The following ADRA2A variants were observed in gnomAD, a reference collection of about 807,000 sequenced individuals.
ADRA2A encodes the protein alpha-2A adrenergic receptor.
In ADRA2A, 6 loss-of-function variants were observed where a neutral mutation model predicts 5.9. The ratio of observed to expected loss-of-function variants is 1.01; its 90% confidence interval spans 0.55 to 2.00. The LOEUF is 2.00. Ranked by LOEUF, ADRA2A falls within the 30% of genes most tolerant of loss-of-function variation. The pLI, the probability that ADRA2A is intolerant of heterozygous loss-of-function variation, is 0.00. For synonymous variants in ADRA2A, 345 were observed against 325.9 expected (o/e 1.06, Z -0.63); for missense variants, 647 against 690.0 (o/e 0.94, Z 0.70).
Position 111,077,331 on chromosome 10 carries a change from T to C in ADRA2A, c.-666T>C, listed in dbSNP as rs2479049. 152,189 of 152,620 alleles carry C rather than the reference T, an allele frequency of 1. 75,879 individuals carry two copies. The highest frequency in any genetic ancestry group is 1 in the Middle Eastern group (292 of 292). 9.5% of individuals were successfully genotyped at this position (152,620 alleles called of 1,614,324 possible). Reference sequence around the variant, plus strand: ...CGCCGTCCCGGAGCTCCGCACAGTGTGCCCCAGCCCCAGCAGGGCGCACAA... The same window carrying C: ...CGCCGTCCCGGAGCTCCGCACAGTGCGCCCCAGCCCCAGCAGGGCGCACAA... On this transcript the variant is annotated 5_prime_UTR_variant, in exon 1 of 1. Transcript: ENST00000280155.
In ADRA2A at chr10:111,077,537, T is replaced by TG; in HGVS notation, c.-455dup. 1 of 152,310 alleles carries TG rather than the reference T, an allele frequency of 6.6e-6. No individual in the cohort carries two copies. The highest frequency in any genetic ancestry group is 1.5e-5 in the Non-Finnish European group (1 of 68,180). The allele number at this position is 152,310 out of a possible 1,614,324, so 9.4% of individuals were successfully genotyped here. On this transcript the variant is annotated 5_prime_UTR_variant, in exon 1 of 1. Coordinates refer to ENST00000280155, the MANE Select transcript of ADRA2A (RefSeq NM_000681.4). Reference sequence around the variant, plus strand: ...AGCACCCTTCGGCTGCCTCCCGGGGTGGGGGCGGGCCCCGCACACGGTAAG... The same window carrying TG: ...AGCACCCTTCGGCTGCCTCCCGGGGTGGGGGGCGGGCCCCGCACACGGTAAG...
Position 111,077,878 on chromosome 10 carries a change from G to C in ADRA2A, c.-119G>C. The stretch of plus-strand genomic sequence containing the variant: ...CCAGTTCGGGCCCGGCCTCCCTGCG[G>C]CCCCCTCCCTATGTGAGCCGCAGCC... On this transcript the variant is annotated 5_prime_UTR_variant, in exon 1 of 1. Transcript: ENST00000280155. 1 of 1,290,140 alleles carries C rather than the reference G, an allele frequency of 7.8e-7. No individual in the cohort carries two copies. Among genetic ancestry groups the C allele is most frequent in the South Asian group, 2.8e-5 (1 of 36,030 alleles). 79.9% of individuals were successfully genotyped at this position (1,290,140 alleles called of 1,614,324 possible). A position where few individuals can be genotyped will look rare whatever the true frequency, so the allele number is the denominator to read the frequency against.
chr10:111,077,968 C>T lies in ADRA2A; in HGVS notation c.-29C>T. 7.4e-7 allele frequency: 1 copy of T among 1,353,866 alleles called. No homozygotes were observed. 83.9% of individuals were successfully genotyped at this position (1,353,866 alleles called of 1,614,324 possible). A position where few individuals can be genotyped will look rare whatever the true frequency, so the allele number is the denominator to read the frequency against. On this transcript the variant is annotated 5_prime_UTR_variant, in exon 1 of 1. Transcript: ENST00000280155. ...CGCCGGGCCGGAAGGCAGCTGGCAG[C>T]AGGCCCAGGCCAGCGGGCGCCCGCG...
At position 111,079,439 on chromosome 10, in the gene ADRA2A, C is replaced by T; in HGVS notation, c.*45C>T. ...GTAGACTCACGCTGACTGCAGGCAG[C>T]GGGGGGCATCGAGGGGTGCTTAGCC... On this transcript the variant is annotated 3_prime_UTR_variant, in exon 1 of 1. Transcript: ENST00000280155. 6.3e-7 allele frequency: 1 copy of T among 1,594,460 alleles called. No individual in the cohort carries two copies. The highest frequency in any genetic ancestry group is 8.6e-7 in the Non-Finnish European group (1 of 1,165,708).
rs1843569174 is a variant in ADRA2A at position 111,079,086 on chromosome 10, C to T, written c.1090C>T (p.Pro364Ser). 2.7e-6 allele frequency: 4 copies of T among 1,493,786 alleles called. No individual in the cohort carries two copies. Among genetic ancestry groups the T allele is most frequent in the Non-Finnish European group, 3.6e-6 (4 of 1,125,602 alleles). The allele number at this position is 1,493,786 out of a possible 1,614,324, so 92.5% of individuals were successfully genotyped here. The change falls in exon 1 of 1, where the codon CCG becomes TCG. Residue 364 changes from proline (P) to serine (S), a missense_variant. Pro to Ser is a moderately conservative substitution (Grantham distance 74). This residue lies in a region of ADRA2A where 577 missense variants were observed against 605.4 expected (regional missense o/e 0.95). Transcript: ENST00000280155. ...GGGGATCGGGACGCCGGCTGCAGGGCCGGGGGAGGAGCGCGTCGGGGCTGC... is the reference window on the plus strand; with the variant it reads ...GGGGATCGGGACGCCGGCTGCAGGGTCGGGGGAGGAGCGCGTCGGGGCTGC... ...ATGIGTPAAG[P>S]GEERVGAAKA...
In ADRA2A at chr10:111,078,796, G is replaced by A. The variant is rs773228256; in HGVS notation, c.800G>A (p.Gly267Asp). 5 of 1,307,308 alleles carry A rather than the reference G, an allele frequency of 3.8e-6. No homozygotes were observed. Among genetic ancestry groups the A allele is most frequent in the African/African-American group, 1.6e-5 (1 of 64,004 alleles). The allele number at this position is 1,307,308 out of a possible 1,614,324, so 81.0% of individuals were successfully genotyped here. A position where few individuals can be genotyped will look rare whatever the true frequency, so the allele number is the denominator to read the frequency against. The change falls in exon 1 of 1, where the codon GGT becomes GAT. Residue 267 changes from glycine (G) to aspartate (D), a missense_variant. Gly to Asp is a moderately conservative substitution (Grantham distance 94). Coordinates refer to ENST00000280155, the MANE Select transcript of ADRA2A (RefSeq NM_000681.4). The stretch of plus-strand genomic sequence containing the variant: ...GGGGGCACCGAGCGCAGGCCCAACG[G>A]TCTGGGCCCCGAGCGCAGCGCGGGC... The part of the protein sequence containing the change: ...PPGGTERRPN[G>D]LGPERSAGPG...
chr10:111,079,271 C>T lies in ADRA2A; in HGVS notation c.1275C>T (p.Phe425=). ...CCGTGCCACGCACGCTCTTCAAATT[C>T]TTCTTCTGGTTCGGCTACTGCAACA... is the stretch of plus-strand genomic sequence containing the variant. ...GCSVPRTLFK[F]FFWFGYCNSS... Residue 425 remains phenylalanine (F), a synonymous_variant, in exon 1 of 1, where the codon TTC becomes TTT. Transcript: ENST00000280155. 2 of 1,614,188 alleles carry T rather than the reference C, an allele frequency of 1.2e-6. No individual in the cohort carries two copies. The highest frequency in any genetic ancestry group is 1.7e-6 in the Non-Finnish European group (2 of 1,180,036).
chr10:111,078,071 C>A lies in ADRA2A; in HGVS notation c.75C>A (p.Asn25Lys). Residue 25 changes from asparagine (N) to lysine (K), a missense_variant, in exon 1 of 1, where the codon AAC becomes AAA. Physicochemically the swap from Asn to Lys is moderately conservative, Grantham distance 94. Around this residue, in one of 3 missense-constraint regions of ADRA2A, gnomAD observed 577 missense variants for 605.4 expected, o/e 0.95. Transcript: ENST00000280155. ...PMGSLQPDAG[N>K]ASWNGTEAPG... Reference sequence around the variant, plus strand: ...GCTCCCTGCAGCCGGACGCGGGCAACGCGAGCTGGAACGGGACCGAGGCGC... The same window carrying A: ...GCTCCCTGCAGCCGGACGCGGGCAAAGCGAGCTGGAACGGGACCGAGGCGC... 1 of 1,546,528 alleles carries A rather than the reference C, an allele frequency of 6.5e-7. No homozygotes were observed. Among genetic ancestry groups the A allele is most frequent in the Non-Finnish European group, 8.7e-7 (1 of 1,153,192 alleles).
At position 111,078,947 on chromosome 10, in the gene ADRA2A, C is replaced by A. The variant is rs1564745732; in HGVS notation, c.951C>A (p.Ala317=). Reference sequence around the variant, plus strand: ...AGGAGAGCTCGTCTTCCGACCACGCCGAGCGGCCTCCAGGGCCCCGCAGAC... The same window carrying A: ...AGGAGAGCTCGTCTTCCGACCACGCAGAGCGGCCTCCAGGGCCCCGCAGAC... ...DLEESSSSDH[A]ERPPGPRRPE... Residue 317 remains alanine, a synonymous_variant, in exon 1 of 1, where the codon GCC becomes GCA. Transcript: ENST00000280155. 1 of 1,237,254 alleles carries A rather than the reference C, an allele frequency of 8.1e-7. No homozygotes were observed. The highest frequency in any genetic ancestry group is 3.5e-5 in the East Asian group (1 of 28,464). The allele number at this position is 1,237,254 out of a possible 1,614,324, so 76.6% of individuals were successfully genotyped here.
rs747042142 is a variant in ADRA2A, at chr10:111,079,280, G to T, written c.1284G>T (p.Trp428Cys). The T allele has an allele frequency of 6.2e-7, 1 of 1,614,118 alleles. No individual in the cohort carries two copies. The highest frequency in any genetic ancestry group is 8.5e-7 in the Non-Finnish European group (1 of 1,180,036). Reference protein sequence around the residue: ...VPRTLFKFFFWFGYCNSSLNP... With the variant: ...VPRTLFKFFFCFGYCNSSLNP... ...GCACGCTCTTCAAATTCTTCTTCTGGTTCGGCTACTGCAACAGCTCGTTGA... is the reference window on the plus strand; with the variant it reads ...GCACGCTCTTCAAATTCTTCTTCTGTTTCGGCTACTGCAACAGCTCGTTGA... The change falls in exon 1 of 1, where the codon TGG becomes TGT. Residue 428 changes from tryptophan (W) to cysteine (C), a missense_variant. Physicochemically the swap from Trp to Cys is radical, Grantham distance 215. Transcript: ENST00000280155.
rs1362652502 is a variant in ADRA2A at position 111,077,948 on chromosome 10, G to A, written c.-49G>A. On this transcript the variant is annotated 5_prime_UTR_variant, in exon 1 of 1. Transcript: ENST00000280155. ...GGAAGAGGAGGACCCACGGGCGCCG[G>A]GCCGGAAGGCAGCTGGCAGCAGGCC... 1.5e-5 allele frequency: 20 copies of A among 1,342,922 alleles called. No homozygotes were observed. Among genetic ancestry groups the A allele is most frequent in the African/African-American group, 4.6e-5 (3 of 64,802 alleles). 83.2% of individuals were successfully genotyped at this position (1,342,922 alleles called of 1,614,324 possible). A position where few individuals can be genotyped will look rare whatever the true frequency, so the allele number is the denominator to read the frequency against.
In ADRA2A at chr10:111,077,029, G is replaced by C. The variant is rs1005813460; in HGVS notation, c.-968G>C. 1 of 152,592 alleles carries C rather than the reference G, an allele frequency of 6.6e-6. No homozygotes were observed. Among genetic ancestry groups the C allele is most frequent in the Non-Finnish European group, 1.5e-5 (1 of 68,338 alleles). 9.5% of individuals were successfully genotyped at this position (152,592 alleles called of 1,614,324 possible). On this transcript the variant is annotated 5_prime_UTR_variant, in exon 1 of 1. Transcript: ENST00000280155. Reference sequence around the variant, plus strand: ...AAACGAGTCCACCGTGAGCGCAGCGGAGCAGCAGCAGCTCCAGCTCGGTGC... The same window carrying C: ...AAACGAGTCCACCGTGAGCGCAGCGCAGCAGCAGCAGCTCCAGCTCGGTGC...
rs1035226577 is a variant in ADRA2A, at chr10:111,078,911, G to C, written c.915G>C (p.Ala305=). 1 of 1,223,832 alleles carries C rather than the reference G, an allele frequency of 8.2e-7. No homozygotes were observed. Among genetic ancestry groups the C allele is most frequent in the African/African-American group, 1.6e-5 (1 of 62,540 alleles). 75.8% of individuals were successfully genotyped at this position (1,223,832 alleles called of 1,614,324 possible). ...CGGCCGGGCCGCGCGACACCGACGC[G>C]CTGGACCTGGAGGAGAGCTCGTCTT... ...PAPAGPRDTD[A]LDLEESSSSD... Residue 305 remains alanine, a synonymous_variant, in exon 1 of 1, where the codon GCG becomes GCC. Transcript: ENST00000280155.
In ADRA2A at chr10:111,077,246, G is replaced by C. The variant is rs1216111039; in HGVS notation, c.-751G>C. 1 of 152,552 alleles carries C rather than the reference G, an allele frequency of 6.6e-6. No individual in the cohort carries two copies. Among genetic ancestry groups the C allele is most frequent in the Non-Finnish European group, 1.5e-5 (1 of 68,312 alleles). 9.4% of individuals were successfully genotyped at this position (152,552 alleles called of 1,614,324 possible). A position where few individuals can be genotyped will look rare whatever the true frequency, so the allele number is the denominator to read the frequency against. On this transcript the variant is annotated 5_prime_UTR_variant, in exon 1 of 1. Coordinates refer to ENST00000280155, the MANE Select transcript of ADRA2A (RefSeq NM_000681.4). ...GGAGAGCTGATCGTTCACCTGCCCC[G>C]GCCCGCCTGAGGACGGGGGTGCCTT...
chr10:111,079,232 G>A lies in ADRA2A; in HGVS notation c.1236G>A (p.Thr412=). The change falls in exon 1 of 1, where the codon ACG becomes ACA. Residue 412 remains threonine, a synonymous_variant. Coordinates refer to ENST00000280155, the MANE Select transcript of ADRA2A (RefSeq NM_000681.4). ...CCTTCTTCTTCACCTACACGCTCAC[G>A]GCCGTCGGGTGCTCCGTGCCACGCA... is the stretch of plus-strand genomic sequence containing the variant. The part of the protein sequence containing the change: ...WFPFFFTYTL[T]AVGCSVPRTL... 1 of 1,614,110 alleles carries A rather than the reference G, an allele frequency of 6.2e-7. No individual in the cohort carries two copies. The highest frequency in any genetic ancestry group is 2.2e-5 in the East Asian group (1 of 44,880).
Position 111,078,103 on chromosome 10 carries a change from G to T in ADRA2A, c.107G>T (p.Gly36Val), listed in dbSNP as rs780365245. 1.9e-6 allele frequency: 3 copies of T among 1,570,646 alleles called. No homozygotes were observed. The highest frequency in any genetic ancestry group is 1.7e-6 in the Non-Finnish European group (2 of 1,163,188). The part of the protein sequence containing the change: ...ASWNGTEAPG[G>V]GARATPYSLQ... ...TGGAACGGGACCGAGGCGCCGGGGG[G>T]CGGCGCCCGGGCCACCCCTTACTCC... The change falls in exon 1 of 1, where the codon GGC (glycine) becomes GTC (valine). Residue 36 changes from glycine (G) to valine (V), a missense_variant. By Grantham distance (109) the Gly-to-Val change is moderately radical. Around this residue, in one of 3 missense-constraint regions of ADRA2A, gnomAD observed 577 missense variants for 605.4 expected, o/e 0.95. Coordinates refer to ENST00000280155, the MANE Select transcript of ADRA2A (RefSeq NM_000681.4).
In ADRA2A at chr10:111,078,100, G is replaced by A. The variant is rs999050821; in HGVS notation, c.104G>A (p.Gly35Glu). 18 of 1,570,094 alleles carry A rather than the reference G, an allele frequency of 1.1e-5. No homozygotes were observed. Among genetic ancestry groups the A allele is most frequent in the African/African-American group, 1.4e-5 (1 of 73,980 alleles). The change falls in exon 1 of 1, where the codon GGG becomes GAG. Residue 35 changes from glycine (G) to glutamate (E), a missense_variant. This residue lies in a region of ADRA2A where 577 missense variants were observed against 605.4 expected (regional missense o/e 0.95). Coordinates refer to ENST00000280155, the MANE Select transcript of ADRA2A (RefSeq NM_000681.4). ...AGCTGGAACGGGACCGAGGCGCCGGGGGGCGGCGCCCGGGCCACCCCTTAC... is the reference window on the plus strand; with the variant it reads ...AGCTGGAACGGGACCGAGGCGCCGGAGGGCGGCGCCCGGGCCACCCCTTAC... ...NASWNGTEAP[G>E]GGARATPYSL...
rs1257205653 is a variant in ADRA2A at position 111,079,120 on chromosome 10, C to A, written c.1124C>A (p.Ser375Ter). The A allele has an allele frequency of 1.9e-6, 3 of 1,589,124 alleles. No homozygotes were observed. Among genetic ancestry groups the A allele is most frequent in the Non-Finnish European group, 2.6e-6 (3 of 1,167,814 alleles). ...GEERVGAAKA[S>*]RWRGRQNREK... Reference sequence around the variant, plus strand: ...GAGCGCGTCGGGGCTGCCAAGGCGTCGCGCTGGCGCGGGCGGCAGAACCGC... The same window carrying A: ...GAGCGCGTCGGGGCTGCCAAGGCGTAGCGCTGGCGCGGGCGGCAGAACCGC... Residue 375 changes from serine to a stop codon, truncating the protein, a stop_gained, in exon 1 of 1, where the codon TCG becomes TAG. Coordinates refer to ENST00000280155, the MANE Select transcript of ADRA2A (RefSeq NM_000681.4). LOFTEE classifies it high-confidence loss of function.
At position 111,078,572 on chromosome 10, in the gene ADRA2A, C is replaced by T; in HGVS notation, c.576C>T (p.Gly192=). The T allele has an allele frequency of 1.9e-6, 3 of 1,601,048 alleles. No individual in the cohort carries two copies. Among genetic ancestry groups the T allele is most frequent in the Non-Finnish European group, 2.6e-6 (3 of 1,173,986 alleles). Residue 192 remains glycine, a synonymous_variant, in exon 1 of 1, where the codon GGC becomes GGT. Transcript: ENST00000280155. ...TCATCTCCATCGAGAAGAAGGGCGG[C>T]GGCGGCGGCCCGCAGCCGGCCGAGC... ...PPLISIEKKG[G]GGGPQPAEPR... is the part of the protein sequence containing the mutation.
Sources: gnomAD v4.1 joint callset for allele counts on GRCh38, gnomAD v4.1.1 for gene constraint, gnomAD v4.1.1 regional missense constraint, MANE v1.5 for transcripts, NCBI Gene and HGNC (gene_info 2026-07-23, HGNC 2026-07-21) for gene names.